The following ANTXR1 variants were observed in gnomAD, a reference collection of about 807,000 sequenced individuals.
The protein encoded by ANTXR1 is ANTXR cell adhesion molecule 1, also known as anthrax toxin receptor 1.
A neutral mutation model predicts 78.1 loss-of-function variants in ANTXR1; 19 were observed. The observed-to-expected ratio is 0.24, with a 90% CI of 0.17 to 0.36. ANTXR1 has a LOEUF of 0.36. Ranked by LOEUF, ANTXR1 falls within the 10% of genes least tolerant of loss-of-function variation. ANTXR1 has a pLI of 1.00. For missense variants in ANTXR1, 518 were observed against 718.6 expected, an observed-to-expected ratio of 0.72 and a Z score of 3.19; for synonymous variants, 273 against 260.5, an observed-to-expected ratio of 1.05 and a Z score of -0.46.
At chr2:69,120,196 AT>A (rs1422159969) in intron 10 of ANTXR1, among the ~76,000 whole-genome samples, 1 of 152,258 alleles carries the variant, frequency 6.6e-6, no homozygotes, top group Non-Finnish European at 1.5e-5. Flanking sequence ...CGAATAGCTC[AT>A]GTAATTTATT....
At chr2:69,111,385 T>G (rs1296458805) in intron 10 of ANTXR1, among the ~76,000 whole-genome samples, 1 of 152,182 alleles carries the variant, frequency 6.6e-6, no homozygotes, top group East Asian at 1.9e-4. Flanking sequence ...GCACTGTAAA[T>G]TAAAAATGGA....
intron 17 of ANTXR1, among the ~76,000 whole-genome samples, chr2:69,195,688 T>G (rs897245510): frequency 6.6e-6 from 1 of 152,164 alleles, no homozygotes; most frequent in Non-Finnish European, 1.5e-5. Context: ...AGGTGTTTGG[T>G]CTTATAAAGT....
intron 13 of ANTXR1, among the ~76,000 whole-genome samples, chr2:69,155,044 C>G (rs1012345355): frequency 1.1e-4 from 16 of 152,334 alleles, no homozygotes; most frequent in Non-Finnish European, 2.2e-4. Context: ...CTGGTCCTGT[C>G]TGGAAGAAGA....
chr2:69,170,646 T>G (rs1445808414), intron 14 of ANTXR1, among the ~76,000 whole-genome samples: 6 of 152,194 alleles, frequency 3.9e-5, no homozygotes, highest in African/African-American at 1.4e-4. Flanking sequence ...CTGCAGAGAC[T>G]TAATGCTTTA....
At chr2:69,016,955 C>T (rs1241617862) in intron 1 of ANTXR1, among the ~76,000 whole-genome samples, 1 of 152,168 alleles carries the variant, frequency 6.6e-6, no homozygotes, top group Non-Finnish European at 1.5e-5. Context: ...CTATGAAGCA[C>T]ATTGGAGACC....
At chr2:69,174,116 T>C (rs1674058677) in intron 14 of ANTXR1, among the ~76,000 whole-genome samples, 1 of 152,172 alleles carries the variant, frequency 6.6e-6, no homozygotes, top group Admixed American at 6.5e-5. Context: ...ACTGGAGACA[T>C]AGGCAATAAT....
At chr2:69,157,434 A>G (rs1673557409) in intron 13 of ANTXR1, among the ~76,000 whole-genome samples, 2 of 152,134 alleles carry the variant, frequency 1.3e-5, no homozygotes, top group South Asian at 2.1e-4. Context: ...ACCAATGGAC[A>G]TCTCAAATGC....
At chr2:69,066,917 T>C (rs888208825) in intron 3 of ANTXR1, among the ~76,000 whole-genome samples, 2 of 152,214 alleles carry the variant, frequency 1.3e-5, no homozygotes, top group Admixed American at 1.3e-4. Context: ...CCTGCCTCTT[T>C]CATTTCCCAG....
At chr2:69,050,118 A>AC (rs985066384) in intron 3 of ANTXR1, among the ~76,000 whole-genome samples, 21 of 151,904 alleles carry the variant, frequency 1.4e-4, no homozygotes, top group Middle Eastern at 3.4e-3. Flanking sequence ...ACATAGGGAG[A>AC]CCCCATCTCT....
intron 1 of ANTXR1, among the ~76,000 whole-genome samples, chr2:69,033,926 G>A (rs958132995): frequency 1.3e-5 from 2 of 152,182 alleles, no homozygotes; most frequent in Non-Finnish European, 2.9e-5. Context: ...TTTCTAAGGA[G>A]CTTAACCACA....
At chr2:69,135,016 C>T in intron 12 of ANTXR1, 1 of 415,148 alleles carries the variant, frequency 2.4e-6, no homozygotes, top group South Asian at 1.8e-5. Flanking sequence ...GTTTTACATA[C>T]AATCATTAGA....
chr2:69,050,743 A>G (rs1006420428), intron 3 of ANTXR1, among the ~76,000 whole-genome samples: 2 of 152,204 alleles, frequency 1.3e-5, no homozygotes, highest in African/African-American at 4.8e-5. Flanking sequence ...TTTTAAATTT[A>G]TCACGTATCT....
At chr2:69,021,434 A>G (rs1352386075) in intron 1 of ANTXR1, among the ~76,000 whole-genome samples, 1 of 152,238 alleles carries the variant, frequency 6.6e-6, no homozygotes, top group Non-Finnish European at 1.5e-5. Flanking sequence ...TATTCTCTGC[A>G]TATACTACAT....
At chr2:69,044,986 C>T (rs1252167902) in intron 3 of ANTXR1, among the ~76,000 whole-genome samples, 173 bp downstream of exon 3, 2 of 152,112 alleles carry the variant, frequency 1.3e-5, no homozygotes, top group Non-Finnish European at 2.9e-5. Flanking sequence ...TGCTAGTTCA[C>T]TCTTCAGTTA....
At chr2:69,093,642 C>T (rs1345801095) in intron 9 of ANTXR1, among the ~76,000 whole-genome samples, 1 of 152,088 alleles carries the variant, frequency 6.6e-6, no homozygotes, top group African/African-American at 2.4e-5. Flanking sequence ...GAAACAAATA[C>T]ACAATCCACT....
chr2:69,124,455 T>G (rs1385195525), intron 11 of ANTXR1, 110 bp from the exon 12 acceptor site: 1 of 946,470 alleles, frequency 1.1e-6, no homozygotes, highest in Non-Finnish European at 1.7e-6. Flanking sequence ...GAGACTCCAG[T>G]CTCAAGGGTA....
chr2:69,225,727 CA>C (rs1473968143), intron 17 of ANTXR1, among the ~76,000 whole-genome samples: 5 of 152,146 alleles, frequency 3.3e-5, no homozygotes, highest in African/African-American at 1.2e-4. Flanking sequence ...TGCAAACCCC[CA>C]AACTCCCTCT....
intron 14 of ANTXR1, among the ~76,000 whole-genome samples, chr2:69,176,570 C>T (rs1369936486): frequency 1.3e-5 from 2 of 152,214 alleles, no homozygotes; most frequent in Non-Finnish European, 2.9e-5. Context: ...TCTCACGAAA[C>T]TCACTCCTCT....
chr2:69,091,034 T>G (rs949455314), intron 9 of ANTXR1, 115 bp downstream of exon 9: 1 of 1,059,026 alleles, frequency 9.4e-7, no homozygotes, highest in African/African-American at 1.6e-5. Flanking sequence ...AGGGGTAGGG[T>G]GAAAAGAGGA....
Sources: allele counts gnomAD v4.1 joint callset (sites outside exome capture counted in the v4.1 genomes callset), GRCh38; gene constraint gnomAD v4.1.1; transcripts MANE v1.5; gene names NCBI Gene and HGNC (gene_info 2026-07-23, HGNC 2026-07-21).